RPH3A: variants seen among roughly 807,000 people sequenced by gnomAD.
RPH3A encodes rabphilin-3A.
A neutral mutation model predicts 102.2 loss-of-function variants in RPH3A; 48 were observed. The ratio of observed to expected loss-of-function variants is 0.47; its 90% CI spans 0.37 to 0.60. The LOEUF (loss-of-function observed/expected upper bound fraction) is 0.60. Ranked by LOEUF, RPH3A falls within the 20% of genes least tolerant of loss-of-function variation. The probability of loss-of-function intolerance (pLI) is 0.00; values close to 1 mark genes in which losing one functional copy is unlikely to be tolerated. For missense variants in RPH3A, 781 were observed against 910.1 expected, an observed-to-expected ratio of 0.86 and a Z score of 1.83; for synonymous variants, 310 against 324.3, an observed-to-expected ratio of 0.96 and a Z score of 0.47.
chr12:112,812,519 C>A (rs2041595775), intron 2 of RPH3A, among the ~76,000 whole-genome samples: 1 of 152,200 alleles, frequency 6.6e-6, no homozygotes, highest in Non-Finnish European at 1.5e-5. Flanking sequence ...GAGAAACCAG[C>A]ATTTCAGGGT....
chr12:112,853,854 T>G (rs1593085069), intron 5 of RPH3A, among the ~76,000 whole-genome samples: 1 of 151,960 alleles, frequency 6.6e-6, no homozygotes, highest in East Asian at 1.9e-4. Context: ...AAATAGAAGT[T>G]TTCTGGATTC....
chr12:112,835,093 G>C (rs1186117425), intron 3 of RPH3A, among the ~76,000 whole-genome samples: 1 of 151,966 alleles, frequency 6.6e-6, no homozygotes, highest in African/African-American at 2.4e-5. Context: ...TGAATATTTA[G>C]TCCACCCATA....
chr12:112,794,316 G>T (rs1463847466), intron 2 of RPH3A, among the ~76,000 whole-genome samples: 1 of 152,210 alleles, frequency 6.6e-6, no homozygotes, highest in Non-Finnish European at 1.5e-5. Flanking sequence ...CTATGAGATA[G>T]GTATGTGTGT....
At chr12:112,777,445 G>A (rs542572751) in intron 1 of RPH3A, among the ~76,000 whole-genome samples, 1 of 152,298 alleles carries the variant, frequency 6.6e-6, no homozygotes, top group East Asian at 1.9e-4. Flanking sequence ...TTTTGTGAAT[G>A]CAGACGCCAC....
At chr12:112,678,287 AAGAAAGAAAGAAAGAAAGAGAGAG>A (rs2040198515) in intron 1 of RPH3A, among the ~76,000 whole-genome samples, 2 of 35,642 alleles carry the variant, frequency 5.6e-5, no homozygotes, top group African/African-American at 3.9e-4. Flanking sequence ...GAAAGAAAGA[AAGAAAGAAAGAAAGAAAGAGAGAG>A]AGAGAGAAAG....
intron 1 of RPH3A, among the ~76,000 whole-genome samples, chr12:112,776,873 CAAAAAAAAAAAAAAAAAAAAAA>C (rs548377186): frequency 4.1e-5 from 3 of 73,920 alleles, no homozygotes; most frequent in African/African-American, 1.1e-4. Context: ...GACTCCATCT[CAAAAAAAAAAAAAAAAAAAAAA>C]AAAAAAAAAA....
chr12:112,643,326 C>T (rs1010361105), intron 1 of RPH3A, among the ~76,000 whole-genome samples: 3 of 152,230 alleles, frequency 2.0e-5, no homozygotes, highest in Non-Finnish European at 2.9e-5. Flanking sequence ...TTCCATCCCT[C>T]CCTGCATCCT....
chr12:112,746,633 T>C (rs963594200), intron 1 of RPH3A, among the ~76,000 whole-genome samples: 14 of 152,184 alleles, frequency 9.2e-5, no homozygotes, highest in Non-Finnish European at 4.4e-5. Context: ...AATGCGAACA[T>C]CTGTCTCTTG....
At chr12:112,855,231 T>C (rs1054700732) in intron 5 of RPH3A, among the ~76,000 whole-genome samples, 4 of 152,218 alleles carry the variant, frequency 2.6e-5, no homozygotes, top group African/African-American at 9.6e-5. Flanking sequence ...TGCCTTGGTT[T>C]CCCCATCTGT....
At chr12:112,682,807 T>A (rs2040236594) in intron 1 of RPH3A, among the ~76,000 whole-genome samples, 1 of 152,240 alleles carries the variant, frequency 6.6e-6, no homozygotes, top group African/African-American at 2.4e-5. Flanking sequence ...TAGATTTTGA[T>A]GGGCAGTTAA....
At chr12:112,695,532 T>A (rs2040343945) in intron 1 of RPH3A, among the ~76,000 whole-genome samples, 1 of 152,196 alleles carries the variant, frequency 6.6e-6, no homozygotes, top group South Asian at 2.1e-4. Flanking sequence ...AACAAATGGA[T>A]CTTAAGCCAA....
intron 1 of RPH3A, among the ~76,000 whole-genome samples, chr12:112,769,086 A>AC (rs1359237519): frequency 6.6e-6 from 1 of 152,186 alleles, no homozygotes. Flanking sequence ...TATTCCTAGT[A>AC]CCTAGCACAG....
intron 1 of RPH3A, among the ~76,000 whole-genome samples, chr12:112,591,292 C>T (rs1324164225): frequency 1.3e-5 from 2 of 152,002 alleles, no homozygotes; most frequent in African/African-American, 2.4e-5. Flanking sequence ...TACTATGTTA[C>T]CCAGGCTGGT....
intron 1 of RPH3A, among the ~76,000 whole-genome samples, chr12:112,775,185 A>G (rs1405490295): frequency 1.3e-5 from 2 of 152,110 alleles, no homozygotes; most frequent in South Asian, 2.1e-4. Flanking sequence ...ACAAAGCTGT[A>G]CATCCTGCAC....
intron 19 of RPH3A, among the ~76,000 whole-genome samples, chr12:112,891,692 A>G (rs959761920): frequency 1.3e-5 from 2 of 152,226 alleles, no homozygotes; most frequent in Non-Finnish European, 2.9e-5. Context: ...GGGAGTCCTC[A>G]AGCCAAAACT....
chr12:112,580,286 C>G (rs1007422341), intron 1 of RPH3A, among the ~76,000 whole-genome samples: 46 of 151,850 alleles, frequency 3.0e-4, no homozygotes, highest in African/African-American at 1.0e-3. Flanking sequence ...CTCCCCACCC[C>G]CTGTCTTTCC....
rs1449910026 is a variant in RPH3A, at chr12:112,800,474, A to T, written c.-19+8211A>T. Among the ~76,000 whole-genome samples, 7 of 152,196 alleles carry T rather than the reference A, an allele frequency of 4.6e-5. No individual in the cohort carries two copies. In the South Asian group the frequency reaches 1.2e-3, roughly 27 times the overall value. ...ACAGGACCTCCCAGGGTAGCCAAGG[A>T]GTCTGGGTTCGATTTTATTTTGCAG... On this transcript the variant is annotated intron_variant, in intron 2 of 21. Coordinates refer to ENST00000389385, the MANE Select transcript of RPH3A (RefSeq NM_001143854.2).
At chr12:112,884,332 A>G (rs2042971831) in intron 16 of RPH3A, among the ~76,000 whole-genome samples, 1 of 152,160 alleles carries the variant, frequency 6.6e-6, no homozygotes, top group Non-Finnish European at 1.5e-5. Context: ...TGTATATTCT[A>G]TCTCCCACCC....
At chr12:112,614,012 G>A (rs2039658670) in intron 1 of RPH3A, among the ~76,000 whole-genome samples, 2 of 152,128 alleles carry the variant, frequency 1.3e-5, no homozygotes, top group South Asian at 2.1e-4. Flanking sequence ...GGGCTGATAC[G>A]CTTTGAAGTT....
Sources: gnomAD v4.1 joint callset for allele counts (sites outside exome capture counted in the v4.1 genomes callset) on GRCh38, gnomAD v4.1.1 for gene constraint, MANE v1.5 for transcripts, NCBI Gene and HGNC (gene_info 2026-07-23, HGNC 2026-07-21) for gene names.